The following ANKRD33B variants were observed in gnomAD, a reference collection of about 807,000 sequenced individuals.
ANKRD33B encodes ankyrin repeat domain-containing protein 33B.
Under a neutral mutation model 21.5 loss-of-function variants are expected in ANKRD33B, and 6 were observed. The observed-to-expected ratio is 0.28, with a 90% CI of 0.15 to 0.55. The LOEUF (loss-of-function observed/expected upper bound fraction) is 0.55, where lower values mean the gene tolerates loss of function less well. Among genes scored for constraint, ANKRD33B ranks in the 20% least tolerant of loss-of-function variants. The pLI is 0.94. For synonymous variants in ANKRD33B, 347 were observed against 342.4 expected (o/e 1.01, Z -0.15); for missense variants, 698 against 747.2 (o/e 0.93, Z 0.77).
chr5:10,641,331 C>G (rs1008651128), intron 3 of ANKRD33B, among the ~76,000 whole-genome samples: 2 of 149,592 alleles, frequency 1.3e-5, no homozygotes, highest in Admixed American at 6.7e-5. Context: ...CGGGTTCAAG[C>G]GATTCTCCTG....
Position 10,619,650 on chromosome 5 carries a change from CAGGTTT to C in ANKRD33B, c.496+1189_496+1194del, listed in dbSNP as rs1736370903. The stretch of plus-strand genomic sequence containing the variant: ...CTGTGCTAACATGTGTTCACCTCCT[CAGGTTT>C]CGAAGCGTGAGGCATCACTTCCATG... On this transcript the variant is annotated intron_variant, in intron 2 of 3. Coordinates refer to ENST00000296657, the MANE Select transcript of ANKRD33B (RefSeq NM_001164440.2). This position sits in a 1 kb window ranked among gnomAD's most constrained non-coding sequence, Gnocchi z 4.5. Among the ~76,000 whole-genome samples, 1 of 152,228 alleles carries C rather than the reference CAGGTTT, an allele frequency of 6.6e-6. No individual in the cohort carries two copies. Among genetic ancestry groups the C allele is most frequent in the Non-Finnish European group, 1.5e-5 (1 of 68,052 alleles).
At chr5:10,604,253 G>C (rs1333770406) in intron 1 of ANKRD33B, among the ~76,000 whole-genome samples, 1 of 142,780 alleles carries the variant, frequency 7.0e-6, no homozygotes, top group African/African-American at 2.6e-5. Flanking sequence ...GTACAGTGGC[G>C]TGATCTCGGC....
chr5:10,613,451 A>AT (rs1337427333), intron 1 of ANKRD33B, among the ~76,000 whole-genome samples: 15 of 150,726 alleles, frequency 1.0e-4, no homozygotes, highest in South Asian at 4.2e-4. Context: ...CGCCCAGCTA[A>AT]TTTTTTTTTG....
chr5:10,635,450 G>T (rs1046775017), intron 2 of ANKRD33B, among the ~76,000 whole-genome samples: 4 of 152,206 alleles, frequency 2.6e-5, no homozygotes, highest in Admixed American at 2.6e-4. Context: ...GAGCAATGTG[G>T]TGTAAATGAG....
intron 2 of ANKRD33B, among the ~76,000 whole-genome samples, chr5:10,626,275 C>T (rs2126589408): frequency 6.6e-6 from 1 of 152,334 alleles, no homozygotes; most frequent in Middle Eastern, 3.4e-3. Context: ...AATGTGCAGA[C>T]ACACTCTTAG....
At chr5:10,595,064 C>T (rs944550522) in intron 1 of ANKRD33B, among the ~76,000 whole-genome samples, 1 of 152,114 alleles carries the variant, frequency 6.6e-6, no homozygotes, top group Non-Finnish European at 1.5e-5. Flanking sequence ...AGAGGAAACA[C>T]CAAACATGGA....
chr5:10,573,512 A>G (rs1452888286), intron 1 of ANKRD33B, among the ~76,000 whole-genome samples: 1 of 151,990 alleles, frequency 6.6e-6, no homozygotes, highest in African/African-American at 2.4e-5. Context: ...TTATGGACAT[A>G]CATACTGTAT....
At chr5:10,573,348 G>A (rs1418341840) in intron 1 of ANKRD33B, among the ~76,000 whole-genome samples, 1 of 151,886 alleles carries the variant, frequency 6.6e-6, no homozygotes, top group Non-Finnish European at 1.5e-5. Flanking sequence ...CACACCTGTA[G>A]TCCCAACTAC....
chr5:10,649,926 C>T lies in ANKRD33B; in HGVS notation c.1298C>T (p.Ala433Val). The T allele has an allele frequency of 1.3e-6, 2 of 1,524,966 alleles. No individual in the cohort carries two copies. The highest frequency in any genetic ancestry group is 1.8e-6 in the Non-Finnish European group (2 of 1,141,900). 94.5% of individuals were successfully genotyped at this position (1,524,966 alleles called of 1,614,324 possible). A position where few individuals can be genotyped will look rare whatever the true frequency, so the allele number is the denominator to read the frequency against. Reference protein sequence around the residue: ...VPRVRVSKAPAPTFQPERPAR... With the variant: ...VPRVRVSKAPVPTFQPERPAR... Reference sequence around the variant, plus strand: ...CGGGTCCGAGTCAGCAAGGCGCCCGCGCCCACCTTCCAGCCCGAGCGGCCG... The same window carrying T: ...CGGGTCCGAGTCAGCAAGGCGCCCGTGCCCACCTTCCAGCCCGAGCGGCCG... Residue 433 changes from alanine (A) to valine (V), a missense_variant, in exon 4 of 4, where the codon GCG becomes GTG. Physicochemically the swap from Ala to Val is moderately conservative, Grantham distance 64. Coordinates refer to ENST00000296657, the MANE Select transcript of ANKRD33B (RefSeq NM_001164440.2).
At chr5:10,632,326 C>G (rs954734614) in intron 2 of ANKRD33B, among the ~76,000 whole-genome samples, 2 of 152,010 alleles carry the variant, frequency 1.3e-5, no homozygotes, top group African/African-American at 4.8e-5. Context: ...TAACATTTTC[C>G]CCATGGGGCC....
In ANKRD33B at chr5:10,578,743, G is replaced by A. The variant is rs150912567; in HGVS notation, c.366+13910G>A. On this transcript the variant is annotated intron_variant, in intron 1 of 3. Transcript: ENST00000296657. ...TATCAAGTGTAAACAAATCTGAACC[G>A]TTGGGTTTGTTTATGAGGCACAAGT... Among the ~76,000 whole-genome samples, 18 of 152,272 alleles carry A rather than the reference G, an allele frequency of 1.2e-4. No homozygotes were observed. In the East Asian group the frequency reaches 1.5e-3, roughly 13 times the overall value.
intron 2 of ANKRD33B, among the ~76,000 whole-genome samples, chr5:10,637,086 G>T (rs1736883998): frequency 6.6e-6 from 1 of 152,184 alleles, no homozygotes; most frequent in Admixed American, 6.5e-5. Context: ...ACACTGAAGT[G>T]GGGGAGGGGG....
intron 3 of ANKRD33B, among the ~76,000 whole-genome samples, chr5:10,639,567 C>G (rs1482818864): frequency 1.2e-3 from 18 of 15,170 alleles, no homozygotes; most frequent in African/African-American, 5.6e-3. Flanking sequence ...CGATGTTAGG[C>G]GGTGACGTGG....
At chr5:10,628,134 G>A (rs1288140957) in intron 2 of ANKRD33B, 1 of 152,270 alleles carries the variant, frequency 6.6e-6, no homozygotes, top group Non-Finnish European at 1.5e-5. Flanking sequence ...GTCAATCTTA[G>A]ACAACCCAAT....
intron 3 of ANKRD33B, 137 bp from the exon 4 acceptor site, chr5:10,649,129 A>C: frequency 7.1e-7 from 1 of 1,402,902 alleles, no homozygotes; most frequent in Non-Finnish European, 9.3e-7. Context: ...CGCAGAGTGA[A>C]CTAGGTGCAG....
intron 1 of ANKRD33B, among the ~76,000 whole-genome samples, chr5:10,589,482 A>G (rs1458823408): frequency 6.6e-6 from 1 of 152,096 alleles, no homozygotes; most frequent in Non-Finnish European, 1.5e-5. Flanking sequence ...AACACCAATT[A>G]ATTTGACTCT....
intron 1 of ANKRD33B, among the ~76,000 whole-genome samples, chr5:10,572,154 G>A (rs1018858278): frequency 6.6e-6 from 1 of 152,172 alleles, no homozygotes; most frequent in Non-Finnish European, 1.5e-5. Context: ...CTCCCAAAGT[G>A]TTGGGATTAC....
intron 1 of ANKRD33B, among the ~76,000 whole-genome samples, chr5:10,575,652 A>G (rs1735304845): frequency 6.6e-6 from 1 of 152,164 alleles, no homozygotes. Flanking sequence ...AAGCACTTCT[A>G]GGCCACTCTG....
At chr5:10,598,099 C>G (rs940475364) in intron 1 of ANKRD33B, among the ~76,000 whole-genome samples, 3 of 152,130 alleles carry the variant, frequency 2.0e-5, no homozygotes, top group Admixed American at 2.0e-4. Flanking sequence ...CAGCCTCCAT[C>G]TCTTCTAAGT....
Sources: allele counts gnomAD v4.1 joint callset (sites outside exome capture counted in the v4.1 genomes callset), GRCh38; gene constraint gnomAD v4.1.1; non-coding constraint Gnocchi (gnomAD v3.1); transcripts MANE v1.5; gene names NCBI Gene and HGNC (gene_info 2026-07-23, HGNC 2026-07-21).